Variants in FAM133B observed in about 807,000 individuals in gnomAD.
FAM133B encodes family with sequence similarity 133 member B, also known as protein FAM133B.
Under a neutral mutation model 46.4 loss-of-function variants are expected in FAM133B, and 25 were observed. The observed-to-expected ratio is 0.54, with a 90% confidence interval of 0.39 to 0.75. The LOEUF (loss-of-function observed/expected upper bound fraction) is 0.75. Among genes scored for constraint, FAM133B ranks in the 30% least tolerant of loss-of-function variants. FAM133B has a pLI of 0.00. For synonymous variants in FAM133B, 75 were observed against 86.0 expected (o/e 0.87, Z 0.71); for missense variants, 205 against 277.6 (o/e 0.74, Z 1.86).
chr7:92,573,252 C>A (rs1238454842), intron 8 of FAM133B, among the ~76,000 whole-genome samples: 3 of 150,072 alleles, frequency 2.0e-5, no homozygotes, highest in Admixed American at 6.7e-5. Flanking sequence ...ACTGTAACCT[C>A]CAATTTCTGG....
In FAM133B at chr7:92,587,412, C is replaced by T. The variant is rs573515517; in HGVS notation, c.24+2856G>A. Among the ~76,000 whole-genome samples, 7 of 152,098 alleles carry T rather than the reference C, an allele frequency of 4.6e-5. No homozygotes were observed. The South Asian group carries it at 1.0e-3, about 23-fold the overall frequency. ...AGGGGTGGTAGAGGAATGGCTAGGC[C>T]GAAGAGAGGATTTTTACTCTTTATG... On this transcript the variant is annotated intron_variant, in intron 1 of 10. Coordinates refer to ENST00000445716, the MANE Select transcript of FAM133B (RefSeq NM_152789.4).
chr7:92,568,468 C>T (rs958688650), intron 9 of FAM133B, among the ~76,000 whole-genome samples: 1 of 151,978 alleles, frequency 6.6e-6, no homozygotes, highest in South Asian at 2.1e-4. Context: ...AGTGATTCTC[C>T]TGCCTCAGCC....
chr7:92,565,905 C>G, intron 10 of FAM133B, 109 bp downstream of exon 10: 3 of 1,196,186 alleles, frequency 2.5e-6, no homozygotes, highest in Non-Finnish European at 3.6e-6. Flanking sequence ...CCTTTCCCAA[C>G]AAATACTTAT....
chr7:92,571,353 G>C (rs1252532025), intron 8 of FAM133B, among the ~76,000 whole-genome samples: 1 of 152,176 alleles, frequency 6.6e-6, no homozygotes, highest in East Asian at 1.9e-4. Context: ...CTGTGTATGT[G>C]TGGTATTCTT....
chr7:92,576,026 C>T (rs766634445), intron 7 of FAM133B, among the ~76,000 whole-genome samples: 12 of 152,118 alleles, frequency 7.9e-5, no homozygotes, highest in Non-Finnish European at 1.8e-4. Context: ...TGGCTGTATA[C>T]CAAATTTACT....
At chr7:92,579,838 C>CATAT (rs1794814070) in intron 2 of FAM133B, among the ~76,000 whole-genome samples, 1 of 152,106 alleles carries the variant, frequency 6.6e-6, no homozygotes, top group Non-Finnish European at 1.5e-5. Context: ...TACTACATTC[C>CATAT]ATATATGACC....
chr7:92,586,031 A>G (rs1256258044), intron 1 of FAM133B, among the ~76,000 whole-genome samples: 1 of 152,210 alleles, frequency 6.6e-6, no homozygotes, highest in Non-Finnish European at 1.5e-5. Flanking sequence ...TTTAAAGTAC[A>G]TTAATATTTT....
chr7:92,586,827 A>G (rs1795049770), intron 1 of FAM133B, among the ~76,000 whole-genome samples: 1 of 152,254 alleles, frequency 6.6e-6, no homozygotes, highest in Non-Finnish European at 1.5e-5. Flanking sequence ...AGTAGCAGAA[A>G]AGAACATGAA....
rs770062900 is a variant in FAM133B, at chr7:92,578,340, C to T, written c.255G>A (p.Glu85=). ...TTACCTGTCTTTTTTTGGATGAGCT[C>T]TCACTTCCACTTAACAATTTCTCCC... is the stretch of plus-strand genomic sequence containing the variant. The part of the protein sequence containing the change: ...KHREKLLSGS[E]SSSKKRQRKK... The change falls in exon 4 of 11, where the codon GAG becomes GAA. Residue 85 remains glutamate, a synonymous_variant. Coordinates refer to ENST00000445716, the MANE Select transcript of FAM133B (RefSeq NM_152789.4). 7 of 1,613,548 alleles carry T rather than the reference C, an allele frequency of 4.3e-6. No individual in the cohort carries two copies. In the South Asian group the frequency reaches 6.6e-5, roughly 15 times the overall value.
chr7:92,569,336 A>G (rs1337402411), intron 9 of FAM133B, among the ~76,000 whole-genome samples: 1 of 152,162 alleles, frequency 6.6e-6, no homozygotes, highest in Non-Finnish European at 1.5e-5. Flanking sequence ...GTAATTTATC[A>G]TCTCATTTAG....
At chr7:92,574,781 T>C (rs968377182) in intron 8 of FAM133B, among the ~76,000 whole-genome samples, 1 of 151,684 alleles carries the variant, frequency 6.6e-6, no homozygotes, top group Non-Finnish European at 1.5e-5. Flanking sequence ...GGCGGGCGCC[T>C]GTAGTCCCAG....
chr7:92,572,511 A>G (rs1157779195), intron 8 of FAM133B, among the ~76,000 whole-genome samples: 23 of 152,190 alleles, frequency 1.5e-4, no homozygotes, highest in Admixed American at 1.5e-3. Context: ...CGTGGTCAAG[A>G]GTTCCAGAAC....
chr7:92,563,188 C>T (rs1410898982), intron 10 of FAM133B, among the ~76,000 whole-genome samples: 1 of 152,170 alleles, frequency 6.6e-6, no homozygotes, highest in African/African-American at 2.4e-5. Flanking sequence ...ATGGTAACAG[C>T]AGAGCTTCCT....
intron 6 of FAM133B, 89 bp from the exon 7 acceptor site, chr7:92,577,284 A>G (rs1794731295): frequency 2.5e-6 from 2 of 812,910 alleles, no homozygotes; most frequent in Middle Eastern, 3.6e-4. Context: ...TCAGTGAACA[A>G]AATTTCACAA....
chr7:92,584,409 A>G (rs578017353), intron 1 of FAM133B, among the ~76,000 whole-genome samples: 2 of 152,352 alleles, frequency 1.3e-5, no homozygotes, highest in South Asian at 2.1e-4. Flanking sequence ...TAAAAGTTAT[A>G]TACTTCCAGA....
At position 92,583,820 on chromosome 7, in the gene FAM133B, G is replaced by A. The variant is rs949729005; in HGVS notation, c.25-2217C>T. Among the ~76,000 whole-genome samples the A allele has an allele frequency of 3.3e-5, 5 of 151,870 alleles. No individual in the cohort carries two copies. The East Asian group carries it at 5.8e-4, about 18-fold the overall frequency. On this transcript the variant is annotated intron_variant, in intron 1 of 10. Coordinates refer to ENST00000445716, the MANE Select transcript of FAM133B (RefSeq NM_152789.4). ...TCCTAGCACTTTGGGAGGCTGGGGC[G>A]GGTGGATCACCTGAAGTCAGGAGTT...
intron 1 of FAM133B, among the ~76,000 whole-genome samples, chr7:92,583,510 G>T (rs1403170308): frequency 6.6e-6 from 1 of 152,120 alleles, no homozygotes; most frequent in Non-Finnish European, 1.5e-5. Flanking sequence ...TTTAAATCAT[G>T]CTGTCTACTA....
At chr7:92,581,469 T>C (rs1794867952) in intron 2 of FAM133B, 37 bp downstream of exon 2, 1 of 1,541,606 alleles carries the variant, frequency 6.5e-7, no homozygotes, top group Non-Finnish European at 8.9e-7. Context: ...AAAAAGTTGA[T>C]AAAAGCTTAT....
At chr7:92,573,756 C>T (rs1057041185) in intron 8 of FAM133B, among the ~76,000 whole-genome samples, 2 of 151,916 alleles carry the variant, frequency 1.3e-5, no homozygotes, top group Non-Finnish European at 2.9e-5. Context: ...CTGACAACTA[C>T]TGAAATAATC....
Sources: gnomAD v4.1 joint callset for allele counts (sites outside exome capture counted in the v4.1 genomes callset) on GRCh38, gnomAD v4.1.1 for gene constraint, MANE v1.5 for transcripts, NCBI Gene and HGNC (gene_info 2026-07-23, HGNC 2026-07-21) for gene names.